The following TENM3 variants were observed in gnomAD, a reference collection of about 807,000 sequenced individuals.
The protein encoded by TENM3 is teneurin transmembrane protein 3, also known as teneurin-3.
Under a neutral mutation model 255.1 loss-of-function variants are expected in TENM3, and 63 were observed. The ratio of observed to expected loss-of-function variants is 0.25; its 90% CI spans 0.20 to 0.30. The LOEUF (loss-of-function observed/expected upper bound fraction) is 0.30. TENM3 is among the 10% of genes least tolerant of loss of function. The pLI is 1.00. For synonymous variants in TENM3, 1,306 were observed against 1,322.3 expected (o/e 0.99, Z 0.27); for missense variants, 2,929 against 3,461.1 (o/e 0.85, Z 3.86).
At chr4:182,795,493 TACCACCCC>T (rs1336769456) in intron 26 of TENM3, among the ~76,000 whole-genome samples, 1 of 152,134 alleles carries the variant, frequency 6.6e-6, no homozygotes, top group Non-Finnish European at 1.5e-5. Context: ...CCACCACTAC[TACCACCCC>T]ATTTCAAATA....
In TENM3 at chr4:182,184,551, T is replaced by C. The variant is rs186567191; in HGVS notation, c.-76+39797T>C. The stretch of plus-strand genomic sequence containing the variant: ...GGATTTCTTATTGCTTTAATGTGAA[T>C]TTTTAGTGTCTGAAAAAATTAAAAT... On this transcript the variant is annotated intron_variant, in intron 1 of 2. Transcript: ENST00000512480. Among the ~76,000 whole-genome samples the C allele has an allele frequency of 1.0e-3, 156 of 151,950 alleles. 4 individuals carry two copies. The highest frequency in any genetic ancestry group is 9.1e-3 in the Admixed American group (139 of 15,230).
chr4:182,659,967 G>GAC (rs1172652154), intron 6 of TENM3, among the ~76,000 whole-genome samples: 1 of 152,156 alleles, frequency 6.6e-6, no homozygotes, highest in African/African-American at 2.4e-5. Flanking sequence ...TGCTACTTGG[G>GAC]ACAGGTTATA....
At chr4:182,090,503 C>A in the TENM3 span, among the ~76,000 whole-genome samples, 2 of 152,176 alleles carry the variant, frequency 1.3e-5, no homozygotes, top group Non-Finnish European at 2.9e-5. Flanking sequence ...CTAAGGAGAT[C>A]ATAAATTCTT....
the TENM3 span, among the ~76,000 whole-genome samples, chr4:181,840,354 C>A: frequency 6.6e-6 from 1 of 152,196 alleles, no homozygotes; most frequent in East Asian, 1.9e-4. Context: ...TTTGGAACTT[C>A]TACTGGCTTT....
At chr4:181,799,216 C>T in the TENM3 span, among the ~76,000 whole-genome samples, 6 of 152,300 alleles carry the variant, frequency 3.9e-5, no homozygotes, top group African/African-American at 1.4e-4. Context: ...AAGGTTGGAT[C>T]TGATTAATAA....
At chr4:181,489,695 G>C in the TENM3 span, among the ~76,000 whole-genome samples, 1 of 152,142 alleles carries the variant, frequency 6.6e-6, no homozygotes, top group African/African-American at 2.4e-5. Context: ...TCCATATATA[G>C]AAAGCTAGAA....
upstream of TENM3, among the ~76,000 whole-genome samples, chr4:182,139,029 C>G (rs1484121288): frequency 6.6e-6 from 1 of 152,148 alleles, no homozygotes; most frequent in Non-Finnish European, 1.5e-5. Flanking sequence ...ATATTTTATT[C>G]GTGTATCCAC....
chr4:182,422,893 A>C (rs1302583375), intron 3 of TENM3, among the ~76,000 whole-genome samples: 2 of 152,180 alleles, frequency 1.3e-5, no homozygotes, highest in Non-Finnish European at 2.9e-5. Context: ...AGATGAGGCA[A>C]CTGAGGCATG....
At chr4:181,609,315 A>G in the TENM3 span, among the ~76,000 whole-genome samples, 2 of 152,190 alleles carry the variant, frequency 1.3e-5, no homozygotes, top group Non-Finnish European at 2.9e-5. Flanking sequence ...CTGGAAGGGA[A>G]ATAAGATGCT....
chr4:182,344,633 C>T (rs1005845204), intron 2 of TENM3, among the ~76,000 whole-genome samples: 2 of 152,240 alleles, frequency 1.3e-5, no homozygotes, highest in African/African-American at 4.8e-5. Flanking sequence ...AGAGTTGTTA[C>T]TGGCCTTTTA....
At chr4:181,993,847 G>T in the TENM3 span, among the ~76,000 whole-genome samples, 2 of 152,008 alleles carry the variant, frequency 1.3e-5, no homozygotes, top group African/African-American at 2.4e-5. Flanking sequence ...AATGCTGCCC[G>T]TTGGTTCTCT....
intron 22 of TENM3, 133 bp downstream of exon 22, chr4:182,755,392 C>T (rs559798878): frequency 3.3e-6 from 3 of 903,832 alleles, no homozygotes; most frequent in East Asian, 2.7e-5. Context: ...ATTTTTGGAT[C>T]CCGGCTGGGC....
At chr4:181,934,612 A>C in the TENM3 span, among the ~76,000 whole-genome samples, 1 of 152,172 alleles carries the variant, frequency 6.6e-6, no homozygotes, top group Non-Finnish European at 1.5e-5. Flanking sequence ...ACCAATGCTT[A>C]AAAAAGGATT....
intron 1 of TENM3, among the ~76,000 whole-genome samples, chr4:182,294,455 T>C (rs1761339025): frequency 1.3e-5 from 2 of 151,714 alleles, no homozygotes; most frequent in South Asian, 2.1e-4. Context: ...GTGGGAAAGA[T>C]AGAAGTATTT....
intron 17 of TENM3, among the ~76,000 whole-genome samples, chr4:182,738,184 T>A (rs1406702533): frequency 6.6e-6 from 1 of 152,088 alleles, no homozygotes; most frequent in East Asian, 1.9e-4. Flanking sequence ...AAACACTCAT[T>A]TTCTATTAAA....
At chr4:182,506,188 A>G (rs74334704) in intron 3 of TENM3, among the ~76,000 whole-genome samples, 5,592 of 152,310 alleles carry the variant, frequency 0.037, 134 homozygotes, top group Middle Eastern at 0.061. Context: ...AGCCCTGTGC[A>G]TATGACCCCG....
intron 1 of TENM3, among the ~76,000 whole-genome samples, chr4:182,175,500 CA>C (rs1464953186): frequency 6.6e-6 from 1 of 151,984 alleles, no homozygotes; most frequent in Non-Finnish European, 1.5e-5. Context: ...AATGAAGGGG[CA>C]GACCCATAGG....
chr4:181,692,264 C>G, the TENM3 span, among the ~76,000 whole-genome samples: 1 of 152,168 alleles, frequency 6.6e-6, no homozygotes, highest in South Asian at 2.1e-4. Context: ...AAAAGAGTCA[C>G]TGTTGAATAA....
intron 3 of TENM3, among the ~76,000 whole-genome samples, chr4:182,543,216 G>GCAA (rs1741072748): frequency 6.6e-6 from 1 of 151,248 alleles, no homozygotes; most frequent in Non-Finnish European, 1.5e-5. Flanking sequence ...CAAGGATGGA[G>GCAA]GGATGCATGG....
Sources: allele counts gnomAD v4.1 joint callset (sites outside exome capture counted in the v4.1 genomes callset), GRCh38; gene constraint gnomAD v4.1.1; transcripts MANE v1.5; gene names NCBI Gene and HGNC (gene_info 2026-07-23, HGNC 2026-07-21).